The following CAMSAP2 variants were observed in gnomAD, a reference collection of about 807,000 sequenced individuals.
CAMSAP2 encodes the protein calmodulin regulated spectrin associated protein family member 2.
In CAMSAP2, 26 loss-of-function variants were observed where a neutral mutation model predicts 146.1. The observed-to-expected ratio is 0.18, with a 90% CI of 0.13 to 0.25. The LOEUF is 0.25. CAMSAP2 is among the 10% of genes least tolerant of loss of function. The probability of loss-of-function intolerance (pLI) is 1.00; values close to 1 mark genes in which losing one functional copy is unlikely to be tolerated. For synonymous variants in CAMSAP2, 499 were observed against 596.6 expected (o/e 0.84, Z 2.38); for missense variants, 1,381 against 1,759.3 (o/e 0.78, Z 3.85).
chr1:200,770,693 C>T (rs1027124715), intron 2 of CAMSAP2, among the ~76,000 whole-genome samples: 2 of 152,078 alleles, frequency 1.3e-5, no homozygotes, highest in African/African-American at 2.4e-5. Flanking sequence ...GGATTACAGG[C>T]GTGAGCCACC....
chr1:200,851,191 T>TTTTA (rs942150003), intron 11 of CAMSAP2, among the ~76,000 whole-genome samples: 63 of 152,126 alleles, frequency 4.1e-4, no homozygotes, highest in African/African-American at 1.1e-3. Flanking sequence ...ATCTTTTTAT[T>TTTTA]TTTATTTATT....
chr1:200,782,415 A>G (rs1665459780), intron 2 of CAMSAP2, among the ~76,000 whole-genome samples: 1 of 152,194 alleles, frequency 6.6e-6, no homozygotes, highest in African/African-American at 2.4e-5. Context: ...GAGATATAGA[A>G]CATAATAACC....
intron 7 of CAMSAP2, among the ~76,000 whole-genome samples, chr1:200,843,284 C>G (rs1380188437): frequency 6.6e-6 from 1 of 152,096 alleles, no homozygotes; most frequent in African/African-American, 2.4e-5. Flanking sequence ...ACATATGTAG[C>G]CAAAGGGGAG....
At chr1:200,816,156 T>C (rs1335273103) in intron 4 of CAMSAP2, among the ~76,000 whole-genome samples, 1 of 151,984 alleles carries the variant, frequency 6.6e-6, no homozygotes, top group Non-Finnish European at 1.5e-5. Flanking sequence ...TAGCTGGGCA[T>C]AGTGGCGTGT....
intron 13 of CAMSAP2, among the ~76,000 whole-genome samples, chr1:200,854,382 T>C (rs1667698328): frequency 6.6e-6 from 1 of 152,216 alleles, no homozygotes; most frequent in South Asian, 2.1e-4. Context: ...TTTTAGAGAA[T>C]TCTCATAGTT....
At chr1:200,752,283 A>G (rs1664527787) in intron 1 of CAMSAP2, among the ~76,000 whole-genome samples, 1 of 152,116 alleles carries the variant, frequency 6.6e-6, no homozygotes, top group African/African-American at 2.4e-5. Flanking sequence ...GTAAATATAG[A>G]TTCCTTCTGT....
rs779132822 is a variant in CAMSAP2, at chr1:200,832,676, G to A, written c.788-30G>A. 7 of 1,544,634 alleles carry A rather than the reference G, an allele frequency of 4.5e-6. No homozygotes were observed. In the African/African-American group the frequency reaches 9.8e-5, roughly 22 times the overall value. On this transcript the variant is annotated intron_variant, in intron 5 of 16. Coordinates refer to ENST00000358823, the MANE Select transcript of CAMSAP2 (RefSeq NM_203459.4). This position sits in a 1 kb window ranked among gnomAD's most constrained non-coding sequence, Gnocchi z 4.2. ...ATATTTATTATCAAATTAATCCAAA[G>A]TCACCACCTTGCTCTTTTCTTATTT...
intron 6 of CAMSAP2, among the ~76,000 whole-genome samples, chr1:200,837,638 C>T (rs1427385123): frequency 6.6e-6 from 1 of 152,068 alleles, no homozygotes; most frequent in African/African-American, 2.4e-5. Context: ...ATAAGAATAG[C>T]ATTGAATCTA....
At chr1:200,802,903 A>G (rs1370740483) in intron 2 of CAMSAP2, among the ~76,000 whole-genome samples, 6 of 152,248 alleles carry the variant, frequency 3.9e-5, no homozygotes, top group Non-Finnish European at 7.3e-5. Flanking sequence ...ACACAGATAT[A>G]GAACCTAATG....
At chr1:200,775,779 C>T (rs550374435) in intron 2 of CAMSAP2, among the ~76,000 whole-genome samples, 1 of 152,164 alleles carries the variant, frequency 6.6e-6, no homozygotes, top group Non-Finnish European at 1.5e-5. Flanking sequence ...GATCCACCCC[C>T]CTCGGCCTCC....
At chr1:200,765,736 A>T (rs148896632) in intron 2 of CAMSAP2, among the ~76,000 whole-genome samples, 1 of 152,336 alleles carries the variant, frequency 6.6e-6, no homozygotes, top group East Asian at 1.9e-4. Context: ...ACAGGGTAGA[A>T]TGATAAATGG....
In CAMSAP2 at chr1:200,848,272, T is replaced by C; in HGVS notation, c.1503T>C (p.Cys501=). 1.2e-6 allele frequency: 2 copies of C among 1,613,558 alleles called. No individual in the cohort carries two copies. Among genetic ancestry groups the C allele is most frequent in the South Asian group, 2.2e-5 (2 of 91,010 alleles). Residue 501 remains cysteine, a synonymous_variant, in exon 11 of 17, where the codon TGT becomes TGC. Transcript: ENST00000358823. ...ATTCTCACAGTGACCTCAAATCTTG[T>C]GTGCCCCTTAACACAAATGAACTAA... The part of the protein sequence containing the change: ...NIDSHSDLKS[C]VPLNTNELNS...
intron 2 of CAMSAP2, among the ~76,000 whole-genome samples, chr1:200,790,821 C>T (rs915632246): frequency 6.6e-6 from 1 of 152,030 alleles, no homozygotes; most frequent in Non-Finnish European, 1.5e-5. Flanking sequence ...GATCAATAAA[C>T]ATTGAGAAAA....
chr1:200,760,971 G>A lies in CAMSAP2; in HGVS notation c.272G>A (p.Ser91Asn), dbSNP rs199790434. 21 of 1,614,094 alleles carry A rather than the reference G, an allele frequency of 1.3e-5. No homozygotes were observed. In the Admixed American group the frequency reaches 3.3e-4, roughly 26 times the overall value. The change falls in exon 2 of 17, where the codon AGT becomes AAT. Residue 91 changes from serine to asparagine, a missense_variant. Coordinates refer to ENST00000358823, the MANE Select transcript of CAMSAP2 (RefSeq NM_203459.4). Reference sequence around the variant, plus strand: ...CGTGCTGGGAGTCTCATTCTCAAGAGTGATGCTGCAAAACCCCTTTTGGGC... The same window carrying A: ...CGTGCTGGGAGTCTCATTCTCAAGAATGATGCTGCAAAACCCCTTTTGGGC... Reference protein sequence around the residue: ...YCRAGSLILKSDAAKPLLGHD... With the variant: ...YCRAGSLILKNDAAKPLLGHD...
chr1:200,812,839 A>G (rs1666369846), intron 3 of CAMSAP2, among the ~76,000 whole-genome samples: 1 of 152,122 alleles, frequency 6.6e-6, no homozygotes, highest in Non-Finnish European at 1.5e-5. Flanking sequence ...TTCCTATCTC[A>G]TTTTGTGACT....
At chr1:200,819,800 G>A (rs1405074888) in intron 4 of CAMSAP2, among the ~76,000 whole-genome samples, 1 of 152,128 alleles carries the variant, frequency 6.6e-6, no homozygotes. Flanking sequence ...TATATTACTA[G>A]TAGATTTATG....
chr1:200,766,586 G>A (rs942034886), intron 2 of CAMSAP2, among the ~76,000 whole-genome samples: 1 of 152,208 alleles, frequency 6.6e-6, no homozygotes, highest in Non-Finnish European at 1.5e-5. Flanking sequence ...TAAGGTCACA[G>A]AGCAAGTATA....
chr1:200,805,732 TAGG>T (rs529229633), intron 2 of CAMSAP2, among the ~76,000 whole-genome samples: 307 of 152,234 alleles, frequency 2.0e-3, no homozygotes, highest in African/African-American at 6.7e-3. Flanking sequence ...TCTGTATTGT[TAGG>T]AGGACAACAA....
At chr1:200,753,339 T>C (rs1423155850) in intron 1 of CAMSAP2, among the ~76,000 whole-genome samples, 1 of 151,068 alleles carries the variant, frequency 6.6e-6, no homozygotes, top group Non-Finnish European at 1.5e-5. Flanking sequence ...CTTAGCTGTG[T>C]GCTGGCTGGA....
Sources: gnomAD v4.1 joint callset for allele counts (sites outside exome capture counted in the v4.1 genomes callset) on GRCh38, gnomAD v4.1.1 for gene constraint, Gnocchi (gnomAD v3.1) non-coding constraint, MANE v1.5 for transcripts, NCBI Gene and HGNC (gene_info 2026-07-23, HGNC 2026-07-21) for gene names.